The following PHACTR3 variants were observed in gnomAD, a reference collection of about 807,000 sequenced individuals.
PHACTR3 encodes phosphatase and actin regulator 3.
In PHACTR3, 16 loss-of-function variants were observed where a neutral mutation model predicts 66.8. That is an observed-to-expected ratio of 0.24 (90% CI 0.16 to 0.36). The LOEUF (loss-of-function observed/expected upper bound fraction) is 0.36. Among genes scored for constraint, PHACTR3 ranks in the 10% least tolerant of loss-of-function variants. PHACTR3 has a pLI of 1.00. For missense variants in PHACTR3, 647 were observed against 719.9 expected (o/e 0.90, Z 1.16); for synonymous variants, 323 against 292.1 (o/e 1.11, Z -1.08).
intron 1 of PHACTR3, among the ~76,000 whole-genome samples, chr20:59,585,510 G>T (rs2032997990): frequency 1.3e-5 from 2 of 152,124 alleles, no homozygotes; most frequent in African/African-American, 4.8e-5. Context: ...TCAAACTGGG[G>T]GTGGTCCTGG....
intron 1 of PHACTR3, among the ~76,000 whole-genome samples, chr20:59,735,741 G>A (rs544083392): frequency 2.5e-4 from 38 of 152,284 alleles, no homozygotes; most frequent in African/African-American, 8.4e-4. Flanking sequence ...CAACAAGCAC[G>A]AGAGTGACGG....
intron 1 of PHACTR3, among the ~76,000 whole-genome samples, chr20:59,634,736 A>G (rs1045174671): frequency 1.1e-4 from 16 of 152,204 alleles, no homozygotes; most frequent in Non-Finnish European, 2.1e-4. Context: ...AGCGCCATCC[A>G]GCAGAACGTC....
At chr20:59,578,927 C>A (rs915251886) in intron 1 of PHACTR3, among the ~76,000 whole-genome samples, 1 of 152,188 alleles carries the variant, frequency 6.6e-6, no homozygotes, top group Non-Finnish European at 1.5e-5. Flanking sequence ...AGCGCCAGTC[C>A]CAGTGCTGAG....
intron 7 of PHACTR3, among the ~76,000 whole-genome samples, chr20:59,790,874 T>C (rs1424021212): frequency 1.3e-5 from 2 of 152,214 alleles, no homozygotes; most frequent in Admixed American, 1.3e-4. Flanking sequence ...CTTAAGTTGT[T>C]TGCAACGAGC....
intron 8 of PHACTR3, among the ~76,000 whole-genome samples, chr20:59,833,884 A>AGTTT (rs1266340271): frequency 1.3e-5 from 2 of 152,126 alleles, no homozygotes; most frequent in East Asian, 3.9e-4. Context: ...GCTGGAGGGA[A>AGTTT]GTTTTATAGG....
intron 1 of PHACTR3, among the ~76,000 whole-genome samples, chr20:59,665,662 A>T (rs554389903): frequency 6.6e-6 from 1 of 151,976 alleles, no homozygotes; most frequent in Non-Finnish European, 1.5e-5. Flanking sequence ...GTCTGGGTTG[A>T]ATTGGATGGA....
intron 1 of PHACTR3, among the ~76,000 whole-genome samples, chr20:59,611,478 A>G (rs745365203): frequency 6.6e-6 from 1 of 152,222 alleles, no homozygotes; most frequent in Non-Finnish European, 1.5e-5. Flanking sequence ...AGCAGGACTG[A>G]TCTGGCTAGG....
chr20:59,755,845 G>A (rs1405785967), intron 4 of PHACTR3, among the ~76,000 whole-genome samples: 1 of 152,176 alleles, frequency 6.6e-6, no homozygotes, highest in African/African-American at 2.4e-5. Context: ...GGAGCTGGTC[G>A]GTGCTGATGC....
At chr20:59,763,637 C>T (rs2040078381) in intron 4 of PHACTR3, among the ~76,000 whole-genome samples, 1 of 152,146 alleles carries the variant, frequency 6.6e-6, no homozygotes, top group South Asian at 2.1e-4. Flanking sequence ...CCAGGGTTAA[C>T]AGAGAAATGG....
Position 59,847,406 on chromosome 20 carries a change from C to T in PHACTR3, c.*276C>T. On this transcript the variant is annotated 3_prime_UTR_variant, in exon 13 of 13. Transcript: ENST00000371015. ...CTATCAGAAGAAAACTGTTGTTTGC[C>T]TTTCAACCTTGTTTTACAGTTCTGC... 1 of 327,408 alleles carries T rather than the reference C, an allele frequency of 3.1e-6. No homozygotes were observed. The highest frequency in any genetic ancestry group is 5.7e-6 in the Non-Finnish European group (1 of 174,148). 20.3% of individuals were successfully genotyped at this position (327,408 alleles called of 1,614,324 possible).
At chr20:59,665,397 T>C (rs2035949637) in intron 1 of PHACTR3, among the ~76,000 whole-genome samples, 1 of 152,226 alleles carries the variant, frequency 6.6e-6, no homozygotes, top group Non-Finnish European at 1.5e-5. Flanking sequence ...TTGATTTCAC[T>C]GCACCTCTGT....
chr20:59,808,356 C>T (rs2041631036), intron 8 of PHACTR3, among the ~76,000 whole-genome samples: 1 of 152,216 alleles, frequency 6.6e-6, no homozygotes, highest in Non-Finnish European at 1.5e-5. Context: ...TCCCCTTTCA[C>T]CAGGCCAGAT....
At chr20:59,681,295 C>A (rs145499319) in intron 1 of PHACTR3, among the ~76,000 whole-genome samples, 49 of 152,332 alleles carry the variant, frequency 3.2e-4, no homozygotes, top group African/African-American at 1.2e-3. Flanking sequence ...CATACATACT[C>A]ATACTAAGGA....
Position 59,773,279 on chromosome 20 carries a change from G to T in PHACTR3, c.752G>T (p.Gly251Val). The T allele has an allele frequency of 6.2e-7, 1 of 1,613,102 alleles. No individual in the cohort carries two copies. The highest frequency in any genetic ancestry group is 8.5e-7 in the Non-Finnish European group (1 of 1,179,468). ...CTTGCTGCTTCCTCCCACACCCCAG[G>T]CCAAGCCACACTCTTCCAAGCCTCC... is the stretch of plus-strand genomic sequence containing the variant. ...ASSKTTKNVT[G>V]QATLFQASSM... The change falls in exon 6 of 13, where the codon GGC (glycine) becomes GTC (valine). Residue 251 changes from glycine (G) to valine (V), a missense_variant and splice_region_variant. Around this residue, in one of 2 missense-constraint regions of PHACTR3, gnomAD observed 577 missense variants for 571.1 expected, o/e 1.01. Transcript: ENST00000371015.
chr20:59,621,119 G>A (rs997000225), intron 1 of PHACTR3, among the ~76,000 whole-genome samples: 2 of 152,210 alleles, frequency 1.3e-5, no homozygotes, highest in Non-Finnish European at 2.9e-5. Flanking sequence ...AGCATAAGAC[G>A]CTCCAGGCCC....
intron 5 of PHACTR3, 132 bp downstream of exon 5, chr20:59,767,527 C>T: frequency 9.1e-7 from 1 of 1,102,868 alleles, no homozygotes; most frequent in South Asian, 1.5e-5. Context: ...TCCATACCTT[C>T]AACCAGTCTT....
chr20:59,766,772 C>A (rs2040194775), intron 4 of PHACTR3, among the ~76,000 whole-genome samples: 1 of 152,206 alleles, frequency 6.6e-6, no homozygotes, highest in Non-Finnish European at 1.5e-5. Flanking sequence ...CTGTGAGGGA[C>A]TATTGTTAAC....
chr20:59,675,958 G>A (rs917242007), intron 1 of PHACTR3, among the ~76,000 whole-genome samples: 8 of 152,202 alleles, frequency 5.3e-5, no homozygotes, highest in East Asian at 1.9e-4. Context: ...GCCTGGGCCC[G>A]GAATAAAAGG....
chr20:59,622,751 C>CCCATCTGT (rs1260388072), intron 1 of PHACTR3, among the ~76,000 whole-genome samples: 5 of 151,990 alleles, frequency 3.3e-5, no homozygotes, highest in East Asian at 1.9e-4. Context: ...GGCACCAGCT[C>CCCATCTGT]CCATCTGTCC....
Sources: gnomAD v4.1 joint callset for allele counts (sites outside exome capture counted in the v4.1 genomes callset) on GRCh38, gnomAD v4.1.1 for gene constraint, gnomAD v4.1.1 regional missense constraint, MANE v1.5 for transcripts, NCBI Gene and HGNC (gene_info 2026-07-23, HGNC 2026-07-21) for gene names.